SLC4A4: variants seen among roughly 807,000 people sequenced by gnomAD.
SLC4A4 encodes the protein solute carrier family 4 member 4.
SLC4A4 carries 27 observed loss-of-function variants against 111.5 expected under a neutral mutation model. The observed-to-expected ratio is 0.24, with a 90% CI of 0.18 to 0.33. SLC4A4 has a LOEUF of 0.33. SLC4A4 is among the 10% of genes least tolerant of loss of function. The probability of loss-of-function intolerance (pLI) is 1.00; values close to 1 mark genes in which losing one functional copy is unlikely to be tolerated. For synonymous variants in SLC4A4, 443 were observed against 463.4 expected, an observed-to-expected ratio of 0.96 and a Z score of 0.57; for missense variants, 909 against 1,315.5, an observed-to-expected ratio of 0.69 and a Z score of 4.78.
At chr4:71,274,484 A>G (rs555712181) in intron 3 of SLC4A4, among the ~76,000 whole-genome samples, 4 of 152,308 alleles carry the variant, frequency 2.6e-5, no homozygotes, top group African/African-American at 9.6e-5. Flanking sequence ...GAAGAAATAA[A>G]ACAAATAGTT....
chr4:71,265,436 G>A (rs1184595824), intron 3 of SLC4A4, among the ~76,000 whole-genome samples: 1 of 152,082 alleles, frequency 6.6e-6, no homozygotes, highest in African/African-American at 2.4e-5. Flanking sequence ...GGGAATAGAG[G>A]GGGAAGTGCA....
At chr4:71,203,358 C>A (rs75047858) in intron 1 of SLC4A4, among the ~76,000 whole-genome samples, 2,615 of 152,226 alleles carry the variant, frequency 0.017, 72 homozygotes, top group African/African-American at 0.057. Flanking sequence ...TATAGATGAT[C>A]TTTCACTGCG....
intron 2 of SLC4A4, among the ~76,000 whole-genome samples, chr4:71,115,392 AC>A (rs1223363045): frequency 1.3e-5 from 2 of 151,868 alleles, no homozygotes; most frequent in East Asian, 3.9e-4. Context: ...AAACAAACAA[AC>A]AAACAAAAAA....
Position 71,339,356 on chromosome 4 carries a change from T to A in SLC4A4, c.254-14T>A. On this transcript the variant is annotated splice_polypyrimidine_tract_variant and intron_variant, in intron 3 of 25. Transcript: ENST00000264485. Reference sequence around the variant, plus strand: ...TCCAGCCAATGTTTAACCACAGTATTTTCACTTCTGCAGTCTCTCCTGCTG... The same window carrying A: ...TCCAGCCAATGTTTAACCACAGTATATTCACTTCTGCAGTCTCTCCTGCTG... 3 of 1,614,158 alleles carry A rather than the reference T, an allele frequency of 1.9e-6. No homozygotes were observed. The highest frequency in any genetic ancestry group is 1.7e-6 in the Non-Finnish European group (2 of 1,180,028).
rs540261945 is a variant in SLC4A4 at position 71,247,629 on chromosome 4, G to GT, written c.74-7584dup. Among the ~76,000 whole-genome samples the GT allele has an allele frequency of 3.7e-4, 56 of 152,214 alleles. No individual in the cohort carries two copies. The South Asian group carries it at 0.011, about 29-fold the overall frequency. ...ATCAATGACCACTGAATTAGCTATT[G>GT]TTTTTTTATCTTCCAACCCTACTTC... is the stretch of plus-strand genomic sequence containing the variant. On this transcript the variant is annotated intron_variant, in intron 2 of 25. Coordinates refer to ENST00000264485, the MANE Select transcript of SLC4A4 (RefSeq NM_001098484.3).
rs1212833410 is a variant in SLC4A4, at chr4:71,563,355, A to G, written c.3100-438A>G. Among the ~76,000 whole-genome samples the G allele has an allele frequency of 1.9e-4, 17 of 87,426 alleles. No individual in the cohort carries two copies. The South Asian group carries it at 6.7e-3, about 35-fold the overall frequency. The allele number at this position is 87,426 out of a possible 152,430, so 57.4% of individuals were successfully genotyped here. A position where few individuals can be genotyped will look rare whatever the true frequency, so the allele number is the denominator to read the frequency against. On this transcript the variant is annotated intron_variant, in intron 23 of 25. Coordinates refer to ENST00000264485, the MANE Select transcript of SLC4A4 (RefSeq NM_001098484.3). ...TAAAAAGTCTGTCACTTGTTCTAGA[A>G]GGAAAGATCGGTCATGATTTTATCT...
chr4:71,340,522 G>C (rs142502919), intron 4 of SLC4A4, among the ~76,000 whole-genome samples: 68 of 152,260 alleles, frequency 4.5e-4, no homozygotes, highest in African/African-American at 1.6e-3. Context: ...ATAGGGTTTA[G>C]TACTATCCAT....
intron 7 of SLC4A4, among the ~76,000 whole-genome samples, chr4:71,416,366 T>C (rs929363556): frequency 2.6e-5 from 4 of 152,230 alleles, no homozygotes; most frequent in Non-Finnish European, 5.9e-5. Context: ...CAGTAAGAGA[T>C]TGACAACAAT....
chr4:71,156,026 C>A (rs919080249), intron 2 of SLC4A4, among the ~76,000 whole-genome samples: 1 of 152,156 alleles, frequency 6.6e-6, no homozygotes, highest in Non-Finnish European at 1.5e-5. Context: ...GCTTTTCATA[C>A]ACGAATTTAA....
intron 14 of SLC4A4, among the ~76,000 whole-genome samples, chr4:71,476,462 G>C (rs1409215740): frequency 6.6e-6 from 1 of 151,680 alleles, no homozygotes; most frequent in Non-Finnish European, 1.5e-5. Flanking sequence ...GTATGTAACA[G>C]TGAACCAGCA....
At chr4:71,134,164 A>G (rs932478801) in intron 2 of SLC4A4, among the ~76,000 whole-genome samples, 1 of 152,232 alleles carries the variant, frequency 6.6e-6, no homozygotes, top group Non-Finnish European at 1.5e-5. Context: ...ACGTGGTTAT[A>G]TTATGAAATA....
chr4:71,147,431 A>G (rs1162540863), intron 2 of SLC4A4, among the ~76,000 whole-genome samples: 1 of 151,934 alleles, frequency 6.6e-6, no homozygotes, highest in African/African-American at 2.4e-5. Context: ...AGGCAGTCAG[A>G]GAGATGAATT....
intron 1 of SLC4A4, among the ~76,000 whole-genome samples, chr4:71,204,802 T>C (rs1324106746): frequency 6.6e-6 from 1 of 152,196 alleles, no homozygotes; most frequent in Non-Finnish European, 1.5e-5. Context: ...ATATAGACCA[T>C]GTATATGTCT....
chr4:71,406,353 C>T (rs1720852460), intron 7 of SLC4A4, among the ~76,000 whole-genome samples: 1 of 151,506 alleles, frequency 6.6e-6, no homozygotes, highest in African/African-American at 2.4e-5. Flanking sequence ...GGCATATTTG[C>T]AGATTCTACT....
chr4:71,070,460 C>T (rs371313389), intron 1 of SLC4A4, among the ~76,000 whole-genome samples: 27 of 152,154 alleles, frequency 1.8e-4, no homozygotes, highest in African/African-American at 5.8e-4. Context: ...AAGCAATGTA[C>T]GACACTTTCA....
chr4:71,308,519 G>GAAATGGT (rs1725872889), intron 3 of SLC4A4, among the ~76,000 whole-genome samples: 1 of 152,088 alleles, frequency 6.6e-6, no homozygotes, highest in Non-Finnish European at 1.5e-5. Context: ...TCCAACTGAG[G>GAAATGGT]TAGCCAGTTC....
intron 1 of SLC4A4, among the ~76,000 whole-genome samples, chr4:71,079,964 C>A (rs756628863): frequency 1.3e-5 from 2 of 151,952 alleles, no homozygotes; most frequent in Admixed American, 6.6e-5. Flanking sequence ...CAGAGAAATG[C>A]GGGCAAGCAG....
At chr4:71,427,462 T>C (rs2149035493) in intron 7 of SLC4A4, among the ~76,000 whole-genome samples, 1 of 152,190 alleles carries the variant, frequency 6.6e-6, no homozygotes, top group South Asian at 2.1e-4. Context: ...CATCTTGAAA[T>C]CAATATTTAA....
chr4:71,284,602 C>T (rs1288382371), intron 3 of SLC4A4, among the ~76,000 whole-genome samples: 4 of 152,092 alleles, frequency 2.6e-5, no homozygotes, highest in Admixed American at 2.6e-4. Context: ...ATTTATTTAT[C>T]TTCCTTCAAG....
Sources: allele counts gnomAD v4.1 joint callset (sites outside exome capture counted in the v4.1 genomes callset), GRCh38; gene constraint gnomAD v4.1.1; transcripts MANE v1.5; gene names NCBI Gene and HGNC (gene_info 2026-07-23, HGNC 2026-07-21).